CNTNAP2: variants seen among roughly 807,000 people sequenced by gnomAD.
The protein encoded by CNTNAP2 is contactin associated protein 2.
A neutral mutation model predicts 155.2 loss-of-function variants in CNTNAP2; 98 were observed. The ratio of observed to expected loss-of-function variants is 0.63; its 90% CI spans 0.54 to 0.75. The LOEUF (loss-of-function observed/expected upper bound fraction) is 0.75. Ranked by LOEUF, CNTNAP2 falls within the 30% of genes least tolerant of loss-of-function variation. The pLI is 0.00. For synonymous variants in CNTNAP2, 651 were observed against 631.2 expected (o/e 1.03, Z -0.47); for missense variants, 1,727 against 1,688.1 (o/e 1.02, Z -0.40).
intron 18 of CNTNAP2, among the ~76,000 whole-genome samples, chr7:148,203,423 GTAT>G (rs1795397419): frequency 6.6e-6 from 1 of 152,212 alleles, no homozygotes; most frequent in Admixed American, 6.5e-5. Flanking sequence ...CTCTTTGGAA[GTAT>G]TATATTTTGA....
chr7:146,811,663 G>C (rs1394481435), intron 2 of CNTNAP2, among the ~76,000 whole-genome samples: 1 of 151,826 alleles, frequency 6.6e-6, no homozygotes, highest in African/African-American at 2.4e-5. Flanking sequence ...CTTTATCAAG[G>C]AAAACTTCTG....
chr7:146,781,957 T>C (rs749589628), intron 2 of CNTNAP2, among the ~76,000 whole-genome samples: 2 of 152,200 alleles, frequency 1.3e-5, no homozygotes, highest in Non-Finnish European at 2.9e-5. Flanking sequence ...GTCCGTGATG[T>C]ACTCCTTTGT....
chr7:147,626,667 C>A (rs999229540), intron 12 of CNTNAP2, among the ~76,000 whole-genome samples: 2 of 152,176 alleles, frequency 1.3e-5, no homozygotes. Flanking sequence ...AATACTGCAG[C>A]TGTTGCTGTC....
chr7:146,721,105 A>C (rs117433520), intron 1 of CNTNAP2, among the ~76,000 whole-genome samples: 17,306 of 129,944 alleles, frequency 0.13, 2,264 homozygotes, highest in African/African-American at 0.34. Context: ...TATATTCTCT[A>C]TATATATTCT....
intron 18 of CNTNAP2, among the ~76,000 whole-genome samples, chr7:148,175,207 A>G (rs1794911180): frequency 6.6e-6 from 1 of 152,204 alleles, no homozygotes; most frequent in South Asian, 2.1e-4. Flanking sequence ...ATAGTGCTGC[A>G]ATAAACATAC....
At chr7:146,697,092 T>C (rs1800794642) in intron 1 of CNTNAP2, among the ~76,000 whole-genome samples, 1 of 152,194 alleles carries the variant, frequency 6.6e-6, no homozygotes, top group Non-Finnish European at 1.5e-5. Context: ...AGGGGTATCA[T>C]AGTCTTCAAC....
intron 2 of CNTNAP2, among the ~76,000 whole-genome samples, chr7:146,824,480 T>C (rs1803360861): frequency 2.6e-5 from 4 of 152,168 alleles, no homozygotes; most frequent in Admixed American, 2.6e-4. Flanking sequence ...TCCACAATGG[T>C]TGAACTAATT....
At chr7:147,440,868 T>A (rs1563204819) in intron 10 of CNTNAP2, among the ~76,000 whole-genome samples, 1 of 152,202 alleles carries the variant, frequency 6.6e-6, no homozygotes, top group Non-Finnish European at 1.5e-5. Flanking sequence ...TTTGTTTCTT[T>A]TCTCTTGCTG....
chr7:147,169,359 G>T (rs73154397), intron 8 of CNTNAP2, among the ~76,000 whole-genome samples: 2 of 152,148 alleles, frequency 1.3e-5, no homozygotes, highest in East Asian at 3.9e-4. Context: ...GCTGAGGATT[G>T]CAGTATGGAT....
At position 146,126,254 on chromosome 7, in the gene CNTNAP2, C is replaced by A. The variant is rs544532218; in HGVS notation, c.97+9281C>A. ...TAGGCAACATTTTAAGGCTTGATTG[C>A]TTGTATATAAAGGAAAAAGCCTATT... is the stretch of plus-strand genomic sequence containing the variant. On this transcript the variant is annotated intron_variant, in intron 1 of 23. Coordinates refer to ENST00000361727, the MANE Select transcript of CNTNAP2 (RefSeq NM_014141.6). Among the ~76,000 whole-genome samples, 46 of 152,204 alleles carry A rather than the reference C, an allele frequency of 3.0e-4. No homozygotes were observed. The South Asian group carries it at 6.8e-3, about 23-fold the overall frequency.
chr7:148,299,439 G>A (rs2116496398), intron 21 of CNTNAP2, among the ~76,000 whole-genome samples: 1 of 152,372 alleles, frequency 6.6e-6, no homozygotes, highest in Non-Finnish European at 1.5e-5. Flanking sequence ...GAGCCAGGAA[G>A]GCTGGGCAGA....
chr7:146,398,818 G>A (rs1339975480), intron 1 of CNTNAP2, among the ~76,000 whole-genome samples: 1 of 151,778 alleles, frequency 6.6e-6, no homozygotes, highest in East Asian at 1.9e-4. Flanking sequence ...ACCAGGGCAG[G>A]GAGAGGCTGG....
Position 148,099,500 on chromosome 7 carries a change from C to A in CNTNAP2, c.2384-18618C>A, listed in dbSNP as rs573037654. ...TGTAGTGTGGAACACCTCAGCAGCACCCAGGCCTCACTTGTGGATGGTACA... is the reference window on the plus strand; with the variant it reads ...TGTAGTGTGGAACACCTCAGCAGCAACCAGGCCTCACTTGTGGATGGTACA... On this transcript the variant is annotated intron_variant, in intron 15 of 23. Transcript: ENST00000361727. Among the ~76,000 whole-genome samples, 13 of 150,610 alleles carry A rather than the reference C, an allele frequency of 8.6e-5. No individual in the cohort carries two copies. In the South Asian group the frequency reaches 2.7e-3, roughly 32 times the overall value.
chr7:147,842,563 T>A (rs1798764562), intron 13 of CNTNAP2, among the ~76,000 whole-genome samples: 2 of 146,330 alleles, frequency 1.4e-5, no homozygotes, highest in African/African-American at 5.0e-5. Flanking sequence ...ATTTCTTTTT[T>A]TTTTTTTTTT....
intron 14 of CNTNAP2, among the ~76,000 whole-genome samples, chr7:147,961,943 AAG>A (rs1236598297): frequency 1.3e-5 from 2 of 152,222 alleles, no homozygotes; most frequent in Non-Finnish European, 2.9e-5. Context: ...CTAGGAAAGA[AAG>A]AGAATAGGAA....
rs555717933 is a variant in CNTNAP2 at position 148,126,436 on chromosome 7, G to A, written c.2554+8148G>A. Among the ~76,000 whole-genome samples the A allele has an allele frequency of 6.6e-5, 10 of 152,302 alleles. No individual in the cohort carries two copies. In the East Asian group the frequency reaches 9.7e-4, roughly 15 times the overall value. On this transcript the variant is annotated intron_variant, in intron 16 of 23. Transcript: ENST00000361727. ...AGATCACCACGACTGAGGTGCTGGC[G>A]ATCCAAATATAGACAAGGAATAATA...
chr7:147,220,710 CT>C lies in CNTNAP2; in HGVS notation c.1349-79422del, dbSNP rs199799013. Among the ~76,000 whole-genome samples, 11 of 151,376 alleles carry C rather than the reference CT, an allele frequency of 7.3e-5. No homozygotes were observed. In the East Asian group the frequency reaches 9.7e-4, roughly 13 times the overall value. ...CTCACTTAGCATACAAATTACACTT[CT>C]TTTTTTTTATTTTTATTTTTTGAGA... is the stretch of plus-strand genomic sequence containing the variant. On this transcript the variant is annotated intron_variant, in intron 8 of 23. Coordinates refer to ENST00000361727, the MANE Select transcript of CNTNAP2 (RefSeq NM_014141.6).
chr7:147,445,253 ATGGTGGTGCTTCCTTT>A (rs1288612047), intron 10 of CNTNAP2, among the ~76,000 whole-genome samples: 1 of 152,218 alleles, frequency 6.6e-6, no homozygotes, highest in Non-Finnish European at 1.5e-5. Flanking sequence ...ATTATAACAG[ATGGTGGTGCTTCCTTT>A]CATCTTTTAC....
At chr7:146,895,408 T>G (rs1795855646) in intron 3 of CNTNAP2, among the ~76,000 whole-genome samples, 1 of 151,848 alleles carries the variant, frequency 6.6e-6, no homozygotes, top group Admixed American at 6.6e-5. Context: ...AAAACTAAAT[T>G]TAATCATGAA....
Sources: gnomAD v4.1 joint callset for allele counts (sites outside exome capture counted in the v4.1 genomes callset) on GRCh38, gnomAD v4.1.1 for gene constraint, MANE v1.5 for transcripts, NCBI Gene and HGNC (gene_info 2026-07-23, HGNC 2026-07-21) for gene names.